Variants in PHF11 observed in about 807,000 individuals in gnomAD.
PHF11 encodes the protein BRCA1 C-terminus-associated protein.
PHF11 carries 38 observed loss-of-function variants against 40.5 expected under a neutral mutation model. The ratio of observed to expected loss-of-function variants is 0.94; its 90% CI spans 0.72 to 1.23. The LOEUF (loss-of-function observed/expected upper bound fraction) is 1.23. Ranked by LOEUF, PHF11 falls within the 50% of genes most tolerant of loss-of-function variation. PHF11 has a pLI of 0.00. For missense variants in PHF11, 369 were observed against 392.4 expected, an observed-to-expected ratio of 0.94 and a Z score of 0.50; for synonymous variants, 127 against 138.2, an observed-to-expected ratio of 0.92 and a Z score of 0.57.
intron 3 of PHF11, among the ~76,000 whole-genome samples, chr13:49,517,741 T>G (rs1043878284): frequency 6.6e-6 from 1 of 152,154 alleles, no homozygotes; most frequent in Non-Finnish European, 1.5e-5. Context: ...ACAGAGACTG[T>G]TTTTTTGAAA....
At chr13:49,525,628 G>A (rs2139079671) in intron 8 of PHF11, 1 of 294,252 alleles carries the variant, frequency 3.4e-6, no homozygotes, top group African/African-American at 2.3e-5. Flanking sequence ...GGACAAGCTG[G>A]ACAGCTTATA....
chr13:49,516,955 C>T (rs184725738), intron 3 of PHF11, among the ~76,000 whole-genome samples: 12 of 152,204 alleles, frequency 7.9e-5, no homozygotes, highest in South Asian at 2.1e-4. Flanking sequence ...CTCCATACTA[C>T]GCTTTTTTTC....
At chr13:49,521,525 C>T (rs1308659164) in intron 5 of PHF11, 2 of 978,642 alleles carry the variant, frequency 2.0e-6, no homozygotes, top group Non-Finnish European at 2.4e-6. Flanking sequence ...CAAATAGCAC[C>T]TCTACAATCA....
chr13:49,515,967 G>T (rs956095045), intron 3 of PHF11, among the ~76,000 whole-genome samples: 28 of 152,186 alleles, frequency 1.8e-4, no homozygotes, highest in African/African-American at 6.5e-4. Flanking sequence ...CTGGCCATCT[G>T]TCTTGTCCTC....
chr13:49,497,920 AG>A (rs1204739173), intron 1 of PHF11, among the ~76,000 whole-genome samples: 1 of 152,146 alleles, frequency 6.6e-6, no homozygotes, highest in East Asian at 1.9e-4. Flanking sequence ...CATCATATTC[AG>A]GTGTCTGCTC....
At chr13:49,518,965 A>G (rs983230663) in intron 4 of PHF11, 3 of 150,564 alleles carry the variant, frequency 2.0e-5, no homozygotes, top group Admixed American at 6.6e-5. Context: ...CCTCCCGAGT[A>G]GCTGGGACTA....
At chr13:49,496,791 C>A (rs1380675349) in intron 1 of PHF11, among the ~76,000 whole-genome samples, 2 of 146,406 alleles carry the variant, frequency 1.4e-5, no homozygotes, top group Non-Finnish European at 3.0e-5. Flanking sequence ...TCCCAGTCTT[C>A]AGGGAAAGCT....
chr13:49,520,893 G>C lies in PHF11; in HGVS notation c.459-1G>C, dbSNP rs1243700498. On this transcript the variant is annotated splice_acceptor_variant, in intron 4 of 9. Transcript: ENST00000378319. LOFTEE classifies it high-confidence loss of function. ...CAATTCTTTGAAATTAAATATTTCA[G>C]ACTGCTTTGCCAGCAACATGCTCAA... is the stretch of plus-strand genomic sequence containing the variant. The C allele has an allele frequency of 3.8e-6, 6 of 1,559,358 alleles. No homozygotes were observed. The East Asian group carries it at 1.1e-4, about 29-fold the overall frequency.
chr13:49,521,242 TC>T, intron 5 of PHF11: 1 of 1,048,768 alleles, frequency 9.5e-7, no homozygotes, highest in Non-Finnish European at 1.1e-6. Flanking sequence ...CTGCTTCTCT[TC>T]CATAAGAATT....
chr13:49,497,625 C>A (rs937256780), intron 1 of PHF11, among the ~76,000 whole-genome samples: 7 of 152,224 alleles, frequency 4.6e-5, no homozygotes, highest in Admixed American at 3.9e-4. Context: ...TACAGGCAGG[C>A]CTGCAGAGCG....
chr13:49,510,997 C>T (rs1959074709), intron 2 of PHF11, among the ~76,000 whole-genome samples: 1 of 152,208 alleles, frequency 6.6e-6, no homozygotes. Flanking sequence ...TCAATTCCTT[C>T]CTACCCCAAG....
intron 1 of PHF11, 97 bp downstream of exon 1, chr13:49,496,192 C>CTCCGG: frequency 1.3e-6 from 1 of 762,504 alleles, no homozygotes; most frequent in Non-Finnish European, 1.8e-6. Flanking sequence ...CATGGGGGCC[C>CTCCGG]GACCTGCCCC....
chr13:49,496,830 CTTT>C (rs34505707), intron 1 of PHF11, among the ~76,000 whole-genome samples: 36 of 88,042 alleles, frequency 4.1e-4, no homozygotes, highest in African/African-American at 1.2e-3. Context: ...TGGGCTTACC[CTTT>C]TTTTTTTTTT....
Position 49,528,539 on chromosome 13 carries a change from A to AC in PHF11, c.871dup (p.Gln291ProfsTer11), listed in dbSNP as rs1221031312. The stretch of plus-strand genomic sequence containing the variant: ...TAGAGAAAAAAATTCATGCATCTCA[A>AC]CAAAGGTGGCAGCAGTTGAAGGAAG... On this transcript the variant is annotated frameshift_variant, in exon 10 of 10. Coordinates refer to ENST00000378319, the MANE Select transcript of PHF11 (RefSeq NM_001040443.3). LOFTEE classifies it low-confidence loss of function (END_TRUNC). 4.3e-6 allele frequency: 7 copies of AC among 1,609,492 alleles called. No homozygotes were observed. The highest frequency in any genetic ancestry group is 1.3e-5 in the African/African-American group (1 of 74,724).
chr13:49,522,012 A>G, intron 5 of PHF11, 31 bp from the exon 6 acceptor site: 1 of 1,061,534 alleles, frequency 9.4e-7, no homozygotes, highest in Non-Finnish European at 1.5e-6. Context: ...TCCTTTATGG[A>G]TTCCAATTTT....
intron 2 of PHF11, among the ~76,000 whole-genome samples, chr13:49,509,860 C>T (rs946446991): frequency 2.0e-5 from 3 of 152,170 alleles, no homozygotes; most frequent in South Asian, 2.1e-4. Flanking sequence ...CCCAGTCTTG[C>T]GTATGTCTTT....
chr13:49,504,340 T>C (rs1274091752), intron 1 of PHF11, among the ~76,000 whole-genome samples: 1 of 151,916 alleles, frequency 6.6e-6, no homozygotes, highest in East Asian at 1.9e-4. Flanking sequence ...TGGTCCCAGC[T>C]ACTGAGGTGG....
chr13:49,521,913 CACTT>C (rs1227242064), intron 5 of PHF11, 126 bp from the exon 6 acceptor site: 4 of 513,568 alleles, frequency 7.8e-6, no homozygotes, highest in Non-Finnish European at 1.4e-5. Context: ...GTGCTGCAAA[CACTT>C]AGTTGAAGTT....
chr13:49,517,891 A>G, intron 3 of PHF11, 127 bp from the exon 4 acceptor site: 2 of 599,564 alleles, frequency 3.3e-6, no homozygotes, highest in Non-Finnish European at 5.9e-6. Context: ...ACGGGATGGA[A>G]TCTTGCTGAT....
Sources: allele counts gnomAD v4.1 joint callset (sites outside exome capture counted in the v4.1 genomes callset), GRCh38; gene constraint gnomAD v4.1.1; transcripts MANE v1.5; gene names NCBI Gene and HGNC (gene_info 2026-07-23, HGNC 2026-07-21).